The following GABRB2 variants were observed in gnomAD, a reference collection of about 807,000 sequenced individuals.
GABRB2 encodes the protein gamma-aminobutyric acid type A receptor subunit beta2.
In GABRB2, 16 loss-of-function variants were observed where a neutral mutation model predicts 54.7. The observed-to-expected ratio is 0.29, with a 90% confidence interval of 0.20 to 0.44. The LOEUF is 0.44. Ranked by LOEUF, GABRB2 falls within the 20% of genes least tolerant of loss-of-function variation. The pLI, the probability that GABRB2 is intolerant of heterozygous loss-of-function variation, is 1.00. For missense variants in GABRB2, 355 were observed against 644.0 expected, an observed-to-expected ratio of 0.55 and a Z score of 4.86; for synonymous variants, 244 against 233.8, an observed-to-expected ratio of 1.04 and a Z score of -0.40.
intron 5 of GABRB2, among the ~76,000 whole-genome samples, chr5:161,340,150 G>T (rs1181822741): frequency 6.6e-6 from 1 of 151,874 alleles, no homozygotes; most frequent in Non-Finnish European, 1.5e-5. Context: ...AAGCTTATCT[G>T]TAGGCAGAGG....
chr5:161,498,435 C>A (rs1454272639), intron 3 of GABRB2, among the ~76,000 whole-genome samples: 1 of 151,884 alleles, frequency 6.6e-6, no homozygotes, highest in African/African-American at 2.4e-5. Flanking sequence ...GCTGAAATGA[C>A]CCCGTATTTT....
At chr5:161,365,755 AT>A (rs1214638811) in intron 5 of GABRB2, among the ~76,000 whole-genome samples, 4 of 152,176 alleles carry the variant, frequency 2.6e-5, no homozygotes, top group Non-Finnish European at 4.4e-5. Flanking sequence ...GCATGTTTAA[AT>A]TCACTGTGCT....
intron 3 of GABRB2, among the ~76,000 whole-genome samples, chr5:161,533,417 A>G (rs1168045807): frequency 6.6e-6 from 1 of 152,140 alleles, no homozygotes; most frequent in African/African-American, 2.4e-5. Context: ...CCATCCAAAA[A>G]TGTAATTGAT....
chr5:161,505,896 T>C (rs1581041741), intron 3 of GABRB2, among the ~76,000 whole-genome samples: 2 of 152,320 alleles, frequency 1.3e-5, no homozygotes, highest in South Asian at 4.1e-4. Context: ...CTAGCATGCC[T>C]GCTATCACCG....
At chr5:161,398,783 C>T (rs974197975) in intron 5 of GABRB2, among the ~76,000 whole-genome samples, 3 of 152,012 alleles carry the variant, frequency 2.0e-5, no homozygotes, top group Admixed American at 6.6e-5. Context: ...TCTGCCACCC[C>T]GGTTCAAGCG....
At chr5:161,485,697 G>A in intron 3 of GABRB2, among the ~76,000 whole-genome samples, 1 of 151,882 alleles carries the variant, frequency 6.6e-6, no homozygotes, top group African/African-American at 2.4e-5. Context: ...GTTCATGAGA[G>A]ATAACAACTG....
intron 5 of GABRB2, among the ~76,000 whole-genome samples, chr5:161,371,010 G>C (rs916410279): frequency 6.6e-6 from 1 of 152,116 alleles, no homozygotes; most frequent in Non-Finnish European, 1.5e-5. Context: ...AGAGTTCTAA[G>C]GTTAGAATAA....
intron 7 of GABRB2, among the ~76,000 whole-genome samples, chr5:161,332,165 C>CAAAAAAAAA (rs5872708): frequency 4.3e-5 from 3 of 69,450 alleles, no homozygotes; most frequent in Non-Finnish European, 8.3e-5. Context: ...GACTCCGTCT[C>CAAAAAAAAA]AAAAAAAAAA....
chr5:161,295,039 A>G (rs141035922), intron 9 of GABRB2, among the ~76,000 whole-genome samples: 1 of 152,342 alleles, frequency 6.6e-6, no homozygotes, highest in Non-Finnish European at 1.5e-5. Flanking sequence ...AATAGTGTTG[A>G]AGAATAAAAT....
Position 161,354,143 on chromosome 5 carries a change from T to C in GABRB2, c.542-17374A>G, listed in dbSNP as rs751936728. Among the ~76,000 whole-genome samples, 4 of 152,152 alleles carry C rather than the reference T, an allele frequency of 2.6e-5. 1 individual carries two copies. Among genetic ancestry groups the C allele is most frequent in the East Asian group, 3.9e-4 (2 of 5,164 alleles). ...TTTTATTGGGCCACCAAATCACCTA[T>C]AGAACCTGCTAAATATGCCTAGTCC... On this transcript the variant is annotated intron_variant, in intron 5 of 9. Coordinates refer to ENST00000393959, the MANE Select transcript of GABRB2 (RefSeq NM_001371727.1).
At chr5:161,509,785 C>T (rs1028162920) in intron 3 of GABRB2, among the ~76,000 whole-genome samples, 4 of 151,888 alleles carry the variant, frequency 2.6e-5, no homozygotes, top group African/African-American at 4.8e-5. Flanking sequence ...TTCTTCCACA[C>T]TCTATTGCTA....
Position 161,491,788 on chromosome 5 carries a change from T to C in GABRB2, c.238-31944A>G, listed in dbSNP as rs570333103. Among the ~76,000 whole-genome samples the C allele has an allele frequency of 9.2e-5, 14 of 151,832 alleles. No individual in the cohort carries two copies. The East Asian group carries it at 2.7e-3, about 30-fold the overall frequency. On this transcript the variant is annotated intron_variant, in intron 3 of 9. Coordinates refer to ENST00000393959, the MANE Select transcript of GABRB2 (RefSeq NM_001371727.1). ...ATGTCTTAGAGCAAATTAAGTAAAA[T>C]GGCATTCTGAATTGCAAACACACTG...
intron 3 of GABRB2, among the ~76,000 whole-genome samples, chr5:161,486,603 A>T (rs1758930970): frequency 6.6e-6 from 1 of 151,828 alleles, no homozygotes; most frequent in African/African-American, 2.4e-5. Flanking sequence ...ATCGATTTGA[A>T]GTGCATCAGT....
intron 4 of GABRB2, among the ~76,000 whole-genome samples, chr5:161,445,828 C>T (rs9313884): frequency 0.18 from 27,722 of 152,086 alleles, 3,710 homozygotes; most frequent in African/African-American, 0.37. Context: ...CCTTGTATCT[C>T]CCTAAAATGT....
At chr5:161,507,575 C>A (rs534985539) in intron 3 of GABRB2, among the ~76,000 whole-genome samples, 21 of 152,122 alleles carry the variant, frequency 1.4e-4, no homozygotes, top group African/African-American at 4.1e-4. Context: ...TGTGTGTACA[C>A]ACACACATGC....
chr5:161,482,142 A>G (rs544830055), intron 3 of GABRB2, among the ~76,000 whole-genome samples: 1 of 152,144 alleles, frequency 6.6e-6, no homozygotes, highest in East Asian at 1.9e-4. Flanking sequence ...TGCTGCCTTC[A>G]AACTTTCCCA....
intron 3 of GABRB2, among the ~76,000 whole-genome samples, chr5:161,498,020 A>G (rs946435910): frequency 1.3e-5 from 2 of 152,194 alleles, no homozygotes; most frequent in African/African-American, 4.8e-5. Flanking sequence ...AATACTCAAC[A>G]TTAAGAAATA....
intron 3 of GABRB2, among the ~76,000 whole-genome samples, chr5:161,504,334 TAATGTC>T (rs1759537356): frequency 6.6e-6 from 1 of 152,174 alleles, no homozygotes; most frequent in African/African-American, 2.4e-5. Flanking sequence ...TTATGAAAAC[TAATGTC>T]ATTTACTGTA....
chr5:161,461,234 G>C (rs1286328723), intron 3 of GABRB2, among the ~76,000 whole-genome samples: 1 of 152,180 alleles, frequency 6.6e-6, no homozygotes, highest in Non-Finnish European at 1.5e-5. Context: ...TGTACACTGA[G>C]GCTAATGTAA....
Sources: gnomAD v4.1 joint callset for allele counts (sites outside exome capture counted in the v4.1 genomes callset) on GRCh38, gnomAD v4.1.1 for gene constraint, MANE v1.5 for transcripts, NCBI Gene and HGNC (gene_info 2026-07-23, HGNC 2026-07-21) for gene names.